Variants in IRX4 observed in about 807,000 individuals in gnomAD.
The protein encoded by IRX4 is iroquois-class homeodomain protein IRX-4.
Under a neutral mutation model 32.0 loss-of-function variants are expected in IRX4, and 22 were observed. The observed-to-expected ratio is 0.69, with a 90% CI of 0.49 to 0.98. IRX4 has a LOEUF of 0.98. IRX4 is among the 50% of genes least tolerant of loss of function. The pLI is 0.00. For missense variants in IRX4, 840 were observed against 744.2 expected (o/e 1.13, Z -1.50); for synonymous variants, 379 against 351.7 (o/e 1.08, Z -0.87).
At position 1,881,946 on chromosome 5, in the gene IRX4, C is replaced by G; in HGVS notation, c.159G>C (p.Glu53Asp). 1 of 1,568,686 alleles carries G rather than the reference C, an allele frequency of 6.4e-7. No individual in the cohort carries two copies. The highest frequency in any genetic ancestry group is 8.6e-7 in the Non-Finnish European group (1 of 1,157,642). ...GGCGCGCGGTGGCCAGCAGCCGGCTCTCGTAGACCGGGCAGTAGACCGGCG... is the reference window on the plus strand; with the variant it reads ...GGCGCGCGGTGGCCAGCAGCCGGCTGTCGTAGACCGGGCAGTAGACCGGCG... Reference protein sequence around the residue: ...AQAPVYCPVYESRLLATARHE... With the variant: ...AQAPVYCPVYDSRLLATARHE... Residue 53 changes from glutamate to aspartate, a missense_variant, in exon 2 of 5, where the codon GAG becomes GAC. By Grantham distance (45) the Glu-to-Asp change is conservative. Around this residue, in one of 3 missense-constraint regions of IRX4, gnomAD observed 241 missense variants for 220.8 expected, o/e 1.09. Transcript: ENST00000231357.
chr5:1,879,501 C>A lies in IRX4; in HGVS notation c.736+3G>T, dbSNP rs751298529. On this transcript the variant is annotated splice_donor_region_variant and intron_variant, in intron 4 of 4. Transcript: ENST00000231357. ...AGCCCCCAGTGACAACCTCCCAACC[C>A]ACCTGCGTTCTTGGAGCTCTTGAGG... 6.2e-7 allele frequency: 1 copy of A among 1,612,948 alleles called. No individual in the cohort carries two copies. The highest frequency in any genetic ancestry group is 1.7e-5 in the Admixed American group (1 of 60,008).
At chr5:1,880,242 AG>A in intron 3 of IRX4, 1 of 910,768 alleles carries the variant, frequency 1.1e-6, no homozygotes, top group Non-Finnish European at 1.7e-6. Context: ...AAAGCACCCA[AG>A]GGGCCTAAGT....
At position 1,882,130 on chromosome 5, in the gene IRX4, C is replaced by G. The variant is rs1043478609; in HGVS notation, c.46-71G>C. On this transcript the variant is annotated intron_variant, in intron 1 of 4. Coordinates refer to ENST00000231357, the MANE Select transcript of IRX4 (RefSeq NM_016358.3). The stretch of plus-strand genomic sequence containing the variant: ...CTGGGGCCCTGGGCCTTGCCAATCC[C>G]GCGCGCCGCCCACGAGGGCGTGCCC... The G allele has an allele frequency of 2.4e-5, 35 of 1,486,060 alleles. No homozygotes were observed. The Admixed American group carries it at 7.1e-4, about 30-fold the overall frequency. The allele number at this position is 1,486,060 out of a possible 1,614,324, so 92.1% of individuals were successfully genotyped here.
At position 1,877,671 on chromosome 5, in the gene IRX4, A is replaced by C; in HGVS notation, c.*298T>G. ...AGAACGGAACCGCCTTCTCCATGTA[A>C]ACTTTTGACGTAAACTTTATGCTTC... On this transcript the variant is annotated 3_prime_UTR_variant, in exon 5 of 5. Coordinates refer to ENST00000231357, the MANE Select transcript of IRX4 (RefSeq NM_016358.3). 2.4e-6 allele frequency: 1 copy of C among 410,910 alleles called. No homozygotes were observed. The highest frequency in any genetic ancestry group is 4.3e-6 in the Non-Finnish European group (1 of 232,722). 25.5% of individuals were successfully genotyped at this position (410,910 alleles called of 1,614,324 possible). A position where few individuals can be genotyped will look rare whatever the true frequency, so the allele number is the denominator to read the frequency against.
intron 4 of IRX4, among the ~76,000 whole-genome samples, chr5:1,879,238 G>A (rs1434204014): frequency 6.6e-6 from 1 of 152,134 alleles, no homozygotes; most frequent in African/African-American, 2.4e-5. Flanking sequence ...TGATCCGCCC[G>A]CCTCTGCCTT....
upstream of IRX4, among the ~76,000 whole-genome samples, chr5:1,885,180 A>T (rs569413787): frequency 1.1e-4 from 16 of 152,290 alleles, no homozygotes; most frequent in South Asian, 3.3e-3. Flanking sequence ...CAGCCCACCC[A>T]GACCTGAGGC....
chr5:1,882,463 G>A, intron 1 of IRX4, 140 bp downstream of exon 1: 1 of 741,094 alleles, frequency 1.3e-6, no homozygotes, highest in Non-Finnish European at 2.2e-6. Flanking sequence ...CAGGGGTTGG[G>A]CGTGAGGGGC....
At position 1,878,444 on chromosome 5, in the gene IRX4, A is replaced by C; in HGVS notation, c.1085T>G (p.Leu362Arg). ...GGACCAGATGCGCGGCTTAGCCTCC[A>C]GGCCTGCCGACGCCCCCGCCGGCAC... Reference protein sequence around the residue: ...GFVPAGASAGLEAKPRIWSLA... With the variant: ...GFVPAGASAGREAKPRIWSLA... Residue 362 changes from leucine (L) to arginine (R), a missense_variant, in exon 5 of 5, where the codon CTG (leucine) becomes CGG (arginine). Coordinates refer to ENST00000231357, the MANE Select transcript of IRX4 (RefSeq NM_016358.3). The C allele has an allele frequency of 6.8e-7, 1 of 1,470,226 alleles. No homozygotes were observed. Among genetic ancestry groups the C allele is most frequent in the Middle Eastern group, 1.8e-4 (1 of 5,560 alleles). The allele number at this position is 1,470,226 out of a possible 1,614,324, so 91.1% of individuals were successfully genotyped here.
In IRX4 at chr5:1,878,306, G is replaced by A. The variant is rs1242840855; in HGVS notation, c.1223C>T (p.Ser408Phe). 1 of 1,577,248 alleles carries A rather than the reference G, an allele frequency of 6.3e-7. No homozygotes were observed. Among genetic ancestry groups the A allele is most frequent in the Non-Finnish European group, 8.6e-7 (1 of 1,162,632 alleles). Residue 408 changes from serine (S) to phenylalanine (F), a missense_variant, in exon 5 of 5, where the codon TCC becomes TTC. By Grantham distance (155) the Ser-to-Phe change is radical. Coordinates refer to ENST00000231357, the MANE Select transcript of IRX4 (RefSeq NM_016358.3). ...QGPAAPAAVS[S>F]APATSPSVAL... ...CACAGACGGGGACGTGGCGGGCGCG[G>A]AGGACACAGCCGCAGGGGCCGCGGG...
Position 1,879,809 on chromosome 5 carries a change from G to C in IRX4, c.431C>G (p.Thr144Arg), listed in dbSNP as rs775659824. ...YDRYGTMDSG[T>R]RRKNATRETT... ...CTCGCGCGTGGCGTTCTTGCGCCGC[G>C]TGCCGCTGTCCATGGTTCCATACCT... Residue 144 changes from threonine to arginine, a missense_variant, in exon 4 of 5, where the codon ACG (threonine) becomes AGG (arginine). Thr to Arg is a moderately conservative substitution (Grantham distance 71). Coordinates refer to ENST00000231357, the MANE Select transcript of IRX4 (RefSeq NM_016358.3). The C allele has an allele frequency of 6.2e-7, 1 of 1,614,022 alleles. No individual in the cohort carries two copies. Among genetic ancestry groups the C allele is most frequent in the South Asian group, 1.1e-5 (1 of 91,074 alleles).
intron 1 of IRX4, 70 bp from the exon 2 acceptor site, chr5:1,882,129 C>G (rs1735471206): frequency 6.7e-7 from 1 of 1,486,732 alleles, no homozygotes; most frequent in Non-Finnish European, 8.9e-7. Context: ...CTTGCCAATC[C>G]CGCGCGCCGC....
At chr5:1,885,378 C>G (rs1735595430), upstream of IRX4, among the ~76,000 whole-genome samples, 1 of 152,214 alleles carries the variant, frequency 6.6e-6, no homozygotes, top group South Asian at 2.1e-4. Context: ...TTCTCTTTTG[C>G]CTTTCCAGCC....
intron 2 of IRX4, chr5:1,881,150 C>T: frequency 3.1e-6 from 1 of 324,404 alleles, no homozygotes; most frequent in Non-Finnish European, 5.5e-6. Context: ...AACTGGGGGC[C>T]GGCAATAGGG....
At position 1,878,381 on chromosome 5, in the gene IRX4, G is replaced by T; in HGVS notation, c.1148C>A (p.Thr383Asn). 1 of 1,532,778 alleles carries T rather than the reference G, an allele frequency of 6.5e-7. No homozygotes were observed. Among genetic ancestry groups the T allele is most frequent in the Non-Finnish European group, 8.7e-7 (1 of 1,142,920 alleles). 94.9% of individuals were successfully genotyped at this position (1,532,778 alleles called of 1,614,324 possible). A position where few individuals can be genotyped will look rare whatever the true frequency, so the allele number is the denominator to read the frequency against. Residue 383 changes from threonine to asparagine, a missense_variant, in exon 5 of 5, where the codon ACC becomes AAC. Thr to Asn is a moderately conservative substitution (Grantham distance 65). Transcript: ENST00000231357. The stretch of plus-strand genomic sequence containing the variant: ...CGGAAACTCAGTCTGGCTCAGGGAG[G>T]TGGCGGCGGCGGCGGCGGCGGTGGC... The part of the protein sequence containing the change: ...HTATAAAAAA[T>N]SLSQTEFPSC...
chr5:1,878,620 C>G lies in IRX4; in HGVS notation c.909G>C (p.Ala303=). The G allele has an allele frequency of 6.4e-7, 1 of 1,570,504 alleles. No homozygotes were observed. The highest frequency in any genetic ancestry group is 8.6e-7 in the Non-Finnish European group (1 of 1,158,972). The change falls in exon 5 of 5, where the codon GCG becomes GCC. Residue 303 remains alanine, a synonymous_variant. Transcript: ENST00000231357. Reference sequence around the variant, plus strand: ...CACCCGCGGCCAGAGACATCCGGAGCGCGCCTGAGGCCTCCTTGACCGGGC... The same window carrying G: ...CACCCGCGGCCAGAGACATCCGGAGGGCGCCTGAGGCCTCCTTGACCGGGC... ...PDGPVKEASG[A]LRMSLAAGGG...
At chr5:1,879,031 GC>G (rs920077898) in intron 4 of IRX4, among the ~76,000 whole-genome samples, 40 of 150,016 alleles carry the variant, frequency 2.7e-4, no homozygotes, top group African/African-American at 9.9e-4. Context: ...TCGCTCTGTC[GC>G]CCAGGCTGGA....
In IRX4 at chr5:1,880,829, G is replaced by C; in HGVS notation, c.303C>G (p.Ser101Arg). The change falls in exon 3 of 5, where the codon AGC (serine) becomes AGG (arginine). Residue 101 changes from serine to arginine, a missense_variant. Ser to Arg is a moderately radical substitution (Grantham distance 110, BLOSUM62 -1). Around this residue, in one of 3 missense-constraint regions of IRX4, gnomAD observed 241 missense variants for 220.8 expected, o/e 1.09. Transcript: ENST00000231357. Reference protein sequence around the residue: ...SEASAFYSLNSFDSKDGSGSA... With the variant: ...SEASAFYSLNRFDSKDGSGSA... ...ATCCCGAACCATCCTTGGAATCAAA[G>C]CTGTTCTGTGGGAGCCAAGAGTCTG... 1 of 1,613,354 alleles carries C rather than the reference G, an allele frequency of 6.2e-7. No homozygotes were observed. Among genetic ancestry groups the C allele is most frequent in the Non-Finnish European group, 8.5e-7 (1 of 1,179,656 alleles).
At chr5:1,881,728 T>C in intron 2 of IRX4, 80 bp downstream of exon 2, 2 of 1,519,410 alleles carry the variant, frequency 1.3e-6, no homozygotes, top group South Asian at 1.2e-5. Context: ...GGACCCGGAC[T>C]GGCGCGCCTA....
upstream of IRX4, among the ~76,000 whole-genome samples, chr5:1,883,751 C>T (rs1461254494): frequency 1.3e-5 from 2 of 152,242 alleles, no homozygotes; most frequent in South Asian, 2.1e-4. Flanking sequence ...CGACTTTCCT[C>T]CCCGATCCCC....
Sources: allele counts gnomAD v4.1 joint callset (sites outside exome capture counted in the v4.1 genomes callset), GRCh38; gene constraint gnomAD v4.1.1; regional missense constraint gnomAD v4.1.1; transcripts MANE v1.5; gene names NCBI Gene and HGNC (gene_info 2026-07-23, HGNC 2026-07-21).